The following CSMD1 variants were observed in gnomAD, a reference collection of about 807,000 sequenced individuals.
CSMD1 encodes CUB and sushi domain-containing protein 1.
CSMD1 carries 213 observed loss-of-function variants against 417.5 expected under a neutral mutation model. The ratio of observed to expected loss-of-function variants is 0.51; its 90% CI spans 0.46 to 0.57. The LOEUF is 0.57. CSMD1 is among the 20% of genes least tolerant of loss of function. The pLI is 0.00. For missense variants in CSMD1, 6,923 were observed against 4,529.7 expected, an observed-to-expected ratio of 1.53 and a Z score of -15.17; for synonymous variants, 2,862 against 1,736.8, an observed-to-expected ratio of 1.65 and a Z score of -16.11.
intron 3 of CSMD1, among the ~76,000 whole-genome samples, chr8:4,198,217 G>C (rs1334008428): frequency 1.3e-5 from 2 of 152,210 alleles, no homozygotes; most frequent in Non-Finnish European, 2.9e-5. Flanking sequence ...CAAATACAAA[G>C]AGGTGCGGAG....
intron 11 of CSMD1, among the ~76,000 whole-genome samples, chr8:3,481,587 T>C (rs750614960): frequency 5.3e-5 from 8 of 152,186 alleles, no homozygotes; most frequent in Admixed American, 1.3e-4. Context: ...TTTGCAAATG[T>C]GATTAAGTTA....
intron 9 of CSMD1, among the ~76,000 whole-genome samples, chr8:3,583,898 T>C (rs1359746913): frequency 6.6e-6 from 1 of 151,506 alleles, no homozygotes; most frequent in East Asian, 1.9e-4. Context: ...ACTAGATAGA[T>C]AAGGAGCATT....
intron 26 of CSMD1, among the ~76,000 whole-genome samples, chr8:3,260,374 G>C (rs1452283836): frequency 2.6e-5 from 4 of 152,014 alleles, no homozygotes; most frequent in Non-Finnish European, 5.9e-5. Flanking sequence ...GTGCCTCCGT[G>C]TTTCAGTGGC....
At chr8:4,129,093 CAA>C (rs1181071087) in intron 3 of CSMD1, among the ~76,000 whole-genome samples, 1 of 106,498 alleles carries the variant, frequency 9.4e-6, no homozygotes, top group Non-Finnish European at 2.1e-5. Context: ...AAAAAAAAAA[CAA>C]AACAAAAAAA....
intron 1 of CSMD1, among the ~76,000 whole-genome samples, chr8:4,663,509 T>C (rs1482023584): frequency 2.0e-5 from 3 of 152,150 alleles, no homozygotes; most frequent in South Asian, 2.1e-4. Context: ...ATATTCCCCT[T>C]GCTGTTGTCC....
chr8:3,169,303 A>G (rs1820436229), intron 37 of CSMD1, among the ~76,000 whole-genome samples: 1 of 152,210 alleles, frequency 6.6e-6, no homozygotes, highest in South Asian at 2.1e-4. Context: ...ATAGGAGACC[A>G]CAGTCACAGG....
intron 7 of CSMD1, among the ~76,000 whole-genome samples, chr8:3,658,302 A>C (rs1798232289): frequency 6.6e-6 from 1 of 152,066 alleles, no homozygotes; most frequent in Admixed American, 6.6e-5. Context: ...TGTATAAACA[A>C]TGGATTTAGC....
chr8:3,609,742 A>G (rs1476607886), intron 8 of CSMD1, among the ~76,000 whole-genome samples: 1 of 137,850 alleles, frequency 7.3e-6, no homozygotes, highest in African/African-American at 2.8e-5. Flanking sequence ...AGAATTTAAA[A>G]AAAAAAAAAC....
chr8:3,589,481 A>G (rs571643752), intron 8 of CSMD1, among the ~76,000 whole-genome samples: 177 of 152,230 alleles, frequency 1.2e-3, no homozygotes, highest in African/African-American at 4.2e-3. Context: ...TTGTGACAAC[A>G]CAGTTGATCC....
chr8:3,534,608 G>A (rs1190817968), intron 10 of CSMD1, among the ~76,000 whole-genome samples: 5 of 151,954 alleles, frequency 3.3e-5, no homozygotes, highest in African/African-American at 1.2e-4. Context: ...TTTCCTAAGG[G>A]CTTTTCTGCT....
intron 3 of CSMD1, among the ~76,000 whole-genome samples, chr8:4,118,995 C>G (rs7842928): frequency 2.0e-5 from 3 of 152,098 alleles, no homozygotes; most frequent in African/African-American, 7.2e-5. Flanking sequence ...ACAAGAACGG[C>G]AAACCAAACA....
chr8:3,551,598 T>TATATATA (rs199718196), intron 10 of CSMD1, among the ~76,000 whole-genome samples: 8 of 97,798 alleles, frequency 8.2e-5, no homozygotes, highest in Non-Finnish European at 1.2e-4. Context: ...ATATATATAT[T>TATATATA]TTTTTTTTTT....
intron 3 of CSMD1, among the ~76,000 whole-genome samples, chr8:4,288,586 G>C (rs1023080239): frequency 2.0e-5 from 3 of 152,140 alleles, no homozygotes; most frequent in Non-Finnish European, 4.4e-5. Context: ...TCAGCTCTAC[G>C]CATGCAGCTG....
chr8:4,769,828 G>T (rs970474697), intron 1 of CSMD1, among the ~76,000 whole-genome samples: 1 of 152,066 alleles, frequency 6.6e-6, no homozygotes, highest in Admixed American at 6.6e-5. Context: ...AAAAGCTTAT[G>T]TTGTTGTTAT....
At chr8:4,047,146 A>T (rs1463975928) in intron 3 of CSMD1, among the ~76,000 whole-genome samples, 1 of 152,182 alleles carries the variant, frequency 6.6e-6, no homozygotes, top group South Asian at 2.1e-4. Flanking sequence ...AGCAGCCTGC[A>T]ACGGTTCCGT....
chr8:4,427,411 T>C (rs141390547), intron 2 of CSMD1, among the ~76,000 whole-genome samples: 14 of 152,074 alleles, frequency 9.2e-5, no homozygotes, highest in East Asian at 3.9e-4. Flanking sequence ...CTTGGGGTCA[T>C]AGAACTCTCT....
intron 1 of CSMD1, among the ~76,000 whole-genome samples, chr8:4,799,931 G>A (rs554293161): frequency 1.9e-4 from 29 of 152,118 alleles, no homozygotes; most frequent in Non-Finnish European, 2.4e-4. Flanking sequence ...TTTCGAAAGC[G>A]ATGCATGTAC....
At chr8:4,964,199 T>C (rs537071229) in intron 1 of CSMD1, among the ~76,000 whole-genome samples, 2 of 152,132 alleles carry the variant, frequency 1.3e-5, no homozygotes, top group Admixed American at 1.3e-4. Flanking sequence ...CATTAATACA[T>C]TTTAGAGCAA....
chr8:2,994,360 G>A (rs1375161975), intron 54 of CSMD1, among the ~76,000 whole-genome samples: 1 of 152,112 alleles, frequency 6.6e-6, no homozygotes, highest in South Asian at 2.1e-4. Flanking sequence ...TTGCCTTGCA[G>A]TGGGTGGATT....
Sources: allele counts gnomAD v4.1 joint callset (sites outside exome capture counted in the v4.1 genomes callset), GRCh38; gene constraint gnomAD v4.1.1; transcripts MANE v1.5; gene names NCBI Gene and HGNC (gene_info 2026-07-23, HGNC 2026-07-21).